The following ZNF892 variants were observed in gnomAD, a reference collection of about 807,000 sequenced individuals.
The protein encoded by ZNF892 is zinc finger protein 570-like.
At chr2:95,224,127 G>A in the ZNF892 span, among the ~76,000 whole-genome samples, 3 of 152,228 alleles carry the variant, frequency 2.0e-5, no homozygotes, top group Non-Finnish European at 2.9e-5. Flanking sequence ...CTCCAGAACT[G>A]TAAGAAATCA....
the ZNF892 span, among the ~76,000 whole-genome samples, chr2:95,213,835 G>T: frequency 6.6e-6 from 1 of 152,120 alleles, no homozygotes; most frequent in Non-Finnish European, 1.5e-5. Context: ...TTTAGCAGTG[G>T]TTGGGACATA....
At chr2:95,213,401 TG>T in the ZNF892 span, among the ~76,000 whole-genome samples, 1 of 152,226 alleles carries the variant, frequency 6.6e-6, no homozygotes, top group African/African-American at 2.4e-5. Context: ...ATGATTGGAA[TG>T]GGTGTTAAAG....
chr2:95,236,670 G>A, the ZNF892 span, among the ~76,000 whole-genome samples: 1 of 152,146 alleles, frequency 6.6e-6, no homozygotes, highest in Non-Finnish European at 1.5e-5. Flanking sequence ...AAACACTTTT[G>A]TCTGTAGCTG....
At chr2:95,235,946 A>C in the ZNF892 span, among the ~76,000 whole-genome samples, 11 of 152,202 alleles carry the variant, frequency 7.2e-5, no homozygotes, top group Non-Finnish European at 1.5e-4. Context: ...TAGTTGAAAC[A>C]GAACTGTCTT....
chr2:95,210,251 G>A, the ZNF892 span, among the ~76,000 whole-genome samples: 2 of 149,858 alleles, frequency 1.3e-5, no homozygotes, highest in Admixed American at 1.3e-4. Context: ...ATATATATAT[G>A]TGTATATATA....
the ZNF892 span, among the ~76,000 whole-genome samples, chr2:95,250,737 C>A: frequency 4.2e-5 from 6 of 141,694 alleles, no homozygotes; most frequent in East Asian, 4.1e-4. Flanking sequence ...ATAAATTTAT[C>A]AATATAAAAT....
the ZNF892 span, chr2:95,215,508 C>G: frequency 4.8e-6 from 2 of 419,070 alleles, no homozygotes; most frequent in East Asian, 6.9e-5. Context: ...CTCTCAACAT[C>G]AGAAAACTCA....
At chr2:95,219,647 C>T in the ZNF892 span, among the ~76,000 whole-genome samples, 1 of 152,222 alleles carries the variant, frequency 6.6e-6, no homozygotes, top group African/African-American at 2.4e-5. Flanking sequence ...CAGTTGAAGT[C>T]TGGACATTTT....
At chr2:95,233,525 T>G in the ZNF892 span, among the ~76,000 whole-genome samples, 3 of 150,384 alleles carry the variant, frequency 2.0e-5, no homozygotes, top group Non-Finnish European at 4.4e-5. Context: ...TACAAAAAAT[T>G]AGCCGGGCGT....
the ZNF892 span, among the ~76,000 whole-genome samples, chr2:95,238,340 C>A: frequency 6.6e-6 from 1 of 152,178 alleles, no homozygotes; most frequent in Non-Finnish European, 1.5e-5. Context: ...ATAAATGGAA[C>A]AACAAAGCCT....
the ZNF892 span, among the ~76,000 whole-genome samples, chr2:95,238,473 T>C: frequency 6.6e-6 from 1 of 152,186 alleles, no homozygotes. Flanking sequence ...AGAGCTCTGA[T>C]AGAGATGCAC....
At chr2:95,245,245 ATT>A in the ZNF892 span, among the ~76,000 whole-genome samples, 1,819 of 77,798 alleles carry the variant, frequency 0.023, 35 homozygotes, top group African/African-American at 0.078. Context: ...CCTGGAGCTG[ATT>A]TTTTTTTTTT....
the ZNF892 span, among the ~76,000 whole-genome samples, chr2:95,232,299 C>T: frequency 6.6e-6 from 1 of 152,206 alleles, no homozygotes; most frequent in Non-Finnish European, 1.5e-5. Flanking sequence ...GTTGAACATA[C>T]ATGATATCAT....
the ZNF892 span, among the ~76,000 whole-genome samples, chr2:95,245,454 G>GC: frequency 2.6e-4 from 25 of 95,032 alleles, 1 homozygote; most frequent in Non-Finnish European, 3.4e-4. Flanking sequence ...AGACGGCGGG[G>GC]GGGGGGGGGT....
the ZNF892 span, among the ~76,000 whole-genome samples, chr2:95,224,585 A>G: frequency 6.6e-6 from 1 of 152,250 alleles, no homozygotes; most frequent in African/African-American, 2.4e-5. Context: ...GAGAACTCTT[A>G]TCACAAGAAT....
At chr2:95,234,347 A>G in the ZNF892 span, among the ~76,000 whole-genome samples, 1 of 152,250 alleles carries the variant, frequency 6.6e-6, no homozygotes, top group South Asian at 2.1e-4. Context: ...ACATTTTCCT[A>G]TCCCTCTTTC....
chr2:95,257,474 G>T, the ZNF892 span, among the ~76,000 whole-genome samples: 22 of 152,278 alleles, frequency 1.4e-4, no homozygotes, highest in African/African-American at 4.8e-4. Context: ...GTGTCATTCT[G>T]CCCCTACTGG....
the ZNF892 span, among the ~76,000 whole-genome samples, chr2:95,243,498 T>C: frequency 6.8e-6 from 1 of 146,662 alleles, no homozygotes; most frequent in African/African-American, 2.6e-5. Context: ...GCCTCTGCCC[T>C]GCCGCCCCGT....
At chr2:95,212,638 C>A in the ZNF892 span, among the ~76,000 whole-genome samples, 1 of 152,166 alleles carries the variant, frequency 6.6e-6, no homozygotes, top group Non-Finnish European at 1.5e-5. Context: ...AGATCAATGA[C>A]TGTAAATTCA....
Sources: allele counts gnomAD v4.1 joint callset (sites outside exome capture counted in the v4.1 genomes callset), GRCh38; gene constraint gnomAD v4.1.1; transcripts MANE v1.5; gene names NCBI Gene and HGNC (gene_info 2026-07-23, HGNC 2026-07-21).